Variants in NIM1K observed in about 807,000 individuals in gnomAD.
NIM1K encodes NIM1 serine/threonine protein kinase, also known as serine/threonine-protein kinase NIM1.
In NIM1K, 35 loss-of-function variants were observed where a neutral mutation model predicts 37.1. The ratio of observed to expected loss-of-function variants is 0.94; its 90% CI spans 0.72 to 1.25. The LOEUF (loss-of-function observed/expected upper bound fraction) is 1.25, where lower values mean the gene tolerates loss of function less well. Among genes scored for constraint, NIM1K ranks in the 50% most tolerant of loss-of-function variants. The pLI, the probability that NIM1K is intolerant of heterozygous loss-of-function variation, is 0.00. For synonymous variants in NIM1K, 234 were observed against 206.6 expected (o/e 1.13, Z -1.14); for missense variants, 564 against 548.0 (o/e 1.03, Z -0.29).
intron 2 of NIM1K, among the ~76,000 whole-genome samples, chr5:43,260,115 C>A (rs971532797): frequency 2.6e-5 from 4 of 152,058 alleles, no homozygotes; most frequent in Non-Finnish European, 5.9e-5. Context: ...GAAAAATCTA[C>A]GAGTCTTTTG....
intron 1 of NIM1K, chr5:43,233,151 G>C (rs374338999): frequency 1.4e-5 from 18 of 1,307,550 alleles, no homozygotes; most frequent in East Asian, 6.9e-5. Context: ...CCTGGCCAAT[G>C]AGATGGAGAT....
intron 1 of NIM1K, among the ~76,000 whole-genome samples, chr5:43,221,133 T>C (rs1323301285): frequency 6.6e-6 from 1 of 152,042 alleles, no homozygotes; most frequent in Non-Finnish European, 1.5e-5. Context: ...TTAAGTGAGT[T>C]GTGGTGTTGA....
intron 1 of NIM1K, among the ~76,000 whole-genome samples, chr5:43,215,415 G>C (rs549315552): frequency 4.6e-5 from 7 of 152,188 alleles, no homozygotes; most frequent in African/African-American, 1.7e-4. Context: ...AGTAGTAAAG[G>C]CTTAGCCAGC....
intron 1 of NIM1K, among the ~76,000 whole-genome samples, chr5:43,209,455 T>G (rs1752172713): frequency 6.6e-6 from 1 of 152,172 alleles, no homozygotes; most frequent in Admixed American, 6.5e-5. Flanking sequence ...TTTGCTTTTT[T>G]TGTTTGGTTG....
chr5:43,206,556 G>C (rs80276110), intron 1 of NIM1K, among the ~76,000 whole-genome samples: 1 of 149,542 alleles, frequency 6.7e-6, no homozygotes, highest in Non-Finnish European at 1.5e-5. Context: ...ATCCAAGAAA[G>C]TAAATTAGGA....
At chr5:43,239,136 T>C (rs1308937297) in intron 1 of NIM1K, among the ~76,000 whole-genome samples, 1 of 152,018 alleles carries the variant, frequency 6.6e-6, no homozygotes, top group Non-Finnish European at 1.5e-5. Flanking sequence ...TGCAGTTTTC[T>C]TCCTTGTCTG....
intron 1 of NIM1K, among the ~76,000 whole-genome samples, chr5:43,213,195 TTC>T (rs1561074769): frequency 2.3e-5 from 2 of 88,634 alleles, no homozygotes; most frequent in Non-Finnish European, 5.0e-5. Flanking sequence ...CTTTCTTTCT[TTC>T]TTTCTTTCTT....
At chr5:43,265,567 C>G (rs1579608508) in intron 2 of NIM1K, among the ~76,000 whole-genome samples, 1 of 152,182 alleles carries the variant, frequency 6.6e-6, no homozygotes, top group Non-Finnish European at 1.5e-5. Context: ...TTCGAACATC[C>G]TCCTTTAGCT....
At chr5:43,257,721 G>A (rs920120601) in intron 2 of NIM1K, among the ~76,000 whole-genome samples, 1 of 151,874 alleles carries the variant, frequency 6.6e-6, no homozygotes, top group Non-Finnish European at 1.5e-5. Context: ...AGAGAGGGAA[G>A]TGGAGTCAAG....
At chr5:43,258,743 C>T (rs537287604) in intron 2 of NIM1K, among the ~76,000 whole-genome samples, 3 of 152,130 alleles carry the variant, frequency 2.0e-5, no homozygotes, top group South Asian at 2.1e-4. Context: ...GAGTCTGGCT[C>T]GTATGCATTT....
chr5:43,280,562 T>A lies in NIM1K; in HGVS notation c.1144T>A (p.Ser382Thr). 6.2e-7 allele frequency: 1 copy of A among 1,614,088 alleles called. No individual in the cohort carries two copies. Among genetic ancestry groups the A allele is most frequent in the South Asian group, 1.1e-5 (1 of 91,082 alleles). ...RNNQGRDARSSITGVYRIILH... is the reference protein window; with the variant it reads ...RNNQGRDARSTITGVYRIILH... ...TAACCAAGGGAGAGATGCTCGCAGC[T>A]CAATCACAGGGGTCTATAGAATTAT... The change falls in exon 4 of 4, where the codon TCA becomes ACA. Residue 382 changes from serine to threonine, a missense_variant. Transcript: ENST00000326035.
chr5:43,247,565 T>C (rs1426326160), intron 2 of NIM1K, among the ~76,000 whole-genome samples: 1 of 152,206 alleles, frequency 6.6e-6, no homozygotes, highest in African/African-American at 2.4e-5. Flanking sequence ...TGGGAAGGTT[T>C]AAAAGAGAAT....
intron 1 of NIM1K, among the ~76,000 whole-genome samples, chr5:43,198,185 TTC>T (rs772039249): frequency 2.1e-4 from 12 of 57,604 alleles, no homozygotes; most frequent in East Asian, 1.3e-3. Flanking sequence ...CTTTCTTTCT[TTC>T]TTTCTTTCTT....
At chr5:43,273,120 T>C (rs1343968057) in intron 2 of NIM1K, among the ~76,000 whole-genome samples, 1 of 151,952 alleles carries the variant, frequency 6.6e-6, no homozygotes, top group African/African-American at 2.4e-5. Context: ...TTCTCTGGGG[T>C]TTCTATCATC....
intron 1 of NIM1K, chr5:43,206,659 C>G: frequency 1.5e-6 from 1 of 686,332 alleles, no homozygotes; most frequent in South Asian, 1.5e-5. Context: ...GACTCGGCCC[C>G]CCAGTCTCCC....
intron 1 of NIM1K, among the ~76,000 whole-genome samples, chr5:43,239,517 C>T (rs764437994): frequency 5.9e-5 from 9 of 151,434 alleles, no homozygotes; most frequent in East Asian, 1.9e-4. Context: ...GGATTATAGG[C>T]GTGAGCCACC....
chr5:43,206,499 C>CAAAAAAAAAAAAA (rs11286972), intron 1 of NIM1K, among the ~76,000 whole-genome samples: 1 of 83,444 alleles, frequency 1.2e-5, no homozygotes, highest in Non-Finnish European at 2.2e-5. Context: ...GACCCTGCCT[C>CAAAAAAAAAAAAA]AAAAAAAAAA....
chr5:43,271,462 A>G (rs1221170400), intron 2 of NIM1K, among the ~76,000 whole-genome samples: 5 of 152,206 alleles, frequency 3.3e-5, no homozygotes, highest in Non-Finnish European at 7.3e-5. Context: ...AAATGTGTAA[A>G]TCAGTAGTAC....
Position 43,272,232 on chromosome 5 carries a change from C to T in NIM1K, c.293-4825C>T, listed in dbSNP as rs556375467. On this transcript the variant is annotated intron_variant, in intron 2 of 3. Transcript: ENST00000326035. ...CTTTCCTACCTCAAGATCTTCTGTCCTACCCATCCCTACTTTTAGAACCTC... is the reference window on the plus strand; with the variant it reads ...CTTTCCTACCTCAAGATCTTCTGTCTTACCCATCCCTACTTTTAGAACCTC... Among the ~76,000 whole-genome samples the T allele has an allele frequency of 1.7e-3, 252 of 152,212 alleles. 1 individual carries two copies. The highest frequency in any genetic ancestry group is 1.2e-3 in the Non-Finnish European group (85 of 68,016).
Sources: allele counts gnomAD v4.1 joint callset (sites outside exome capture counted in the v4.1 genomes callset), GRCh38; gene constraint gnomAD v4.1.1; transcripts MANE v1.5; gene names NCBI Gene and HGNC (gene_info 2026-07-23, HGNC 2026-07-21).